The following OR2L13 variants were observed in gnomAD, a reference collection of about 807,000 sequenced individuals.
OR2L13 encodes olfactory receptor 2L13.
In OR2L13, 14 loss-of-function variants were observed where a neutral mutation model predicts 15.3. The ratio of observed to expected loss-of-function variants is 0.91; its 90% CI spans 0.60 to 1.43. OR2L13 has a LOEUF of 1.43. OR2L13 is among the 40% of genes most tolerant of loss of function. The pLI, the probability that OR2L13 is intolerant of heterozygous loss-of-function variation, is 0.00. For synonymous variants in OR2L13, 152 were observed against 142.9 expected (o/e 1.06, Z -0.45); for missense variants, 367 against 387.9 (o/e 0.95, Z 0.45).
At chr1:247,942,490 A>G in the OR2L13 span, among the ~76,000 whole-genome samples, 1 of 152,130 alleles carries the variant, frequency 6.6e-6, no homozygotes, top group African/African-American at 2.4e-5. Context: ...AACTAGTAAT[A>G]TAAATTATAT....
At chr1:247,995,310 G>C in the OR2L13 span, among the ~76,000 whole-genome samples, 1 of 152,266 alleles carries the variant, frequency 6.6e-6, no homozygotes, top group East Asian at 1.9e-4. Context: ...TCATCAAGAT[G>C]TATTGTAACA....
chr1:248,083,720 G>A, the OR2L13 span: 4 of 1,612,824 alleles, frequency 2.5e-6, no homozygotes, highest in Admixed American at 1.7e-5. Context: ...TGACCTCACT[G>A]TTCCTCACAC....
the OR2L13 span, chr1:247,990,678 AAG>A: frequency 6.5e-7 from 1 of 1,531,188 alleles, no homozygotes. Flanking sequence ...GTATGAGAAA[AAG>A]AGTGTGTGCA....
chr1:247,987,773 C>T, the OR2L13 span, among the ~76,000 whole-genome samples: 2 of 151,986 alleles, frequency 1.3e-5, no homozygotes, highest in African/African-American at 4.8e-5. Flanking sequence ...TACCTGCTCC[C>T]CCCAGCATCA....
At chr1:248,056,173 T>C in the OR2L13 span, among the ~76,000 whole-genome samples, 1 of 152,176 alleles carries the variant, frequency 6.6e-6, no homozygotes, top group Non-Finnish European at 1.5e-5. Context: ...ACATCTTTAT[T>C]ATTCTTTTTT....
chr1:247,949,509 G>C, the OR2L13 span: 5 of 1,613,860 alleles, frequency 3.1e-6, no homozygotes, highest in Non-Finnish European at 4.2e-6. Flanking sequence ...ATGTTCCTAT[G>C]GCCAGGTTCT....
At chr1:247,977,947 A>G in the OR2L13 span, among the ~76,000 whole-genome samples, 1 of 151,792 alleles carries the variant, frequency 6.6e-6, no homozygotes, top group South Asian at 2.1e-4. Context: ...ACCCGTCCAG[A>G]CTCCTTAAAA....
chr1:248,092,352 T>C (rs1664614961), upstream of OR2L13, among the ~76,000 whole-genome samples: 1 of 152,098 alleles, frequency 6.6e-6, no homozygotes, highest in South Asian at 2.1e-4. Flanking sequence ...AACAACATAA[T>C]GTCAAAATAG....
At chr1:248,101,018 TA>T (rs1664847309) in exon 3 of OR2L13, 1 of 152,310 alleles carries the variant, frequency 6.6e-6, no homozygotes, top group Non-Finnish European at 1.5e-5. Flanking sequence ...ACTCCTTTAA[TA>T]AAACTATTCA....
chr1:247,990,469 T>C, the OR2L13 span: 1 of 1,578,556 alleles, frequency 6.3e-7, no homozygotes, highest in South Asian at 1.1e-5. Flanking sequence ...CTCTCCCTCA[T>C]TGACCTAAAT....
At chr1:248,084,706 G>A in the OR2L13 span, 2 of 1,454,208 alleles carry the variant, frequency 1.4e-6, no homozygotes, top group East Asian at 4.6e-5. Flanking sequence ...ATTCACAAAT[G>A]TCATGGTTTG....
the OR2L13 span, among the ~76,000 whole-genome samples, chr1:248,004,373 A>G: frequency 6.6e-6 from 1 of 152,224 alleles, no homozygotes; most frequent in African/African-American, 2.4e-5. Flanking sequence ...CAAAGTTGGC[A>G]CTTAGTATAA....
chr1:247,940,727 C>CGTGT, the OR2L13 span, among the ~76,000 whole-genome samples: 6 of 54,698 alleles, frequency 1.1e-4, no homozygotes, highest in East Asian at 6.2e-4. Context: ...TGTGTGCATA[C>CGTGT]GTGCGTGTGT....
the OR2L13 span, among the ~76,000 whole-genome samples, chr1:248,002,619 G>A: frequency 6.6e-6 from 1 of 152,184 alleles, no homozygotes; most frequent in Non-Finnish European, 1.5e-5. Flanking sequence ...AGCACTTTGG[G>A]AGGCCCAGGT....
At chr1:248,063,995 T>C in the OR2L13 span, among the ~76,000 whole-genome samples, 1 of 152,142 alleles carries the variant, frequency 6.6e-6, no homozygotes. Context: ...CAGCGGAGCA[T>C]GAAACCATGC....
chr1:248,002,116 T>A, the OR2L13 span, among the ~76,000 whole-genome samples: 60 of 151,832 alleles, frequency 4.0e-4, no homozygotes, highest in Middle Eastern at 3.4e-3. Context: ...CTCTTCTAAA[T>A]TTTTTTTTAA....
the OR2L13 span, among the ~76,000 whole-genome samples, chr1:248,045,464 T>C: frequency 6.6e-6 from 1 of 152,216 alleles, no homozygotes; most frequent in Non-Finnish European, 1.5e-5. Flanking sequence ...CCTAAAAGTC[T>C]TTCTTTTTTA....
At chr1:248,010,754 T>TTTG in the OR2L13 span, among the ~76,000 whole-genome samples, 19 of 133,772 alleles carry the variant, frequency 1.4e-4, no homozygotes, top group Middle Eastern at 3.9e-3. Flanking sequence ...CAAATACTGC[T>TTTG]TTGTTGTTGT....
upstream of OR2L13, among the ~76,000 whole-genome samples, chr1:248,095,884 C>G (rs1334788380): frequency 6.6e-6 from 1 of 151,006 alleles, no homozygotes. Context: ...GGCTTACAGA[C>G]CTGAGCCACT....
Sources: gnomAD v4.1 joint callset for allele counts (sites outside exome capture counted in the v4.1 genomes callset) on GRCh38, gnomAD v4.1.1 for gene constraint, MANE v1.5 for transcripts, NCBI Gene and HGNC (gene_info 2026-07-23, HGNC 2026-07-21) for gene names.